Variants in PCNX2 observed in about 807,000 individuals in gnomAD.
The protein encoded by PCNX2 is pecanex 2.
PCNX2 carries 168 observed loss-of-function variants against 223.8 expected under a neutral mutation model. That is an observed-to-expected ratio of 0.75 (90% CI 0.66 to 0.85). The LOEUF is 0.85. PCNX2 is among the 40% of genes least tolerant of loss of function. PCNX2 has a pLI of 0.00. For synonymous variants in PCNX2, 1,006 were observed against 1,052.6 expected (o/e 0.96, Z 0.86); for missense variants, 2,507 against 2,675.5 (o/e 0.94, Z 1.39).
At chr1:233,262,223 C>T in intron 2 of PCNX2, 58 bp from the exon 3 acceptor site, 1 of 1,603,712 alleles carries the variant, frequency 6.2e-7, no homozygotes, top group Non-Finnish European at 8.5e-7. Context: ...AGAAGCATGA[C>T]TCTTTTAGTA....
chr1:233,075,738 CA>C (rs754312177), intron 23 of PCNX2, among the ~76,000 whole-genome samples: 3 of 147,830 alleles, frequency 2.0e-5, no homozygotes, highest in South Asian at 2.2e-4. Context: ...CACACACACA[CA>C]ACAGAAAAGA....
At chr1:233,289,676 T>G (rs1039225842) in intron 1 of PCNX2, among the ~76,000 whole-genome samples, 1 of 152,232 alleles carries the variant, frequency 6.6e-6, no homozygotes, top group Admixed American at 6.5e-5. Context: ...GGACCAAATA[T>G]CAAGGTTCTG....
the PCNX2 span, among the ~76,000 whole-genome samples, chr1:233,319,272 A>G: frequency 6.6e-6 from 1 of 152,186 alleles, no homozygotes; most frequent in Admixed American, 6.5e-5. Context: ...TGTAAACGTC[A>G]GAGGTTTCTT....
chr1:233,284,160 T>C (rs992405885), intron 1 of PCNX2, among the ~76,000 whole-genome samples: 1 of 152,218 alleles, frequency 6.6e-6, no homozygotes, highest in Non-Finnish European at 1.5e-5. Flanking sequence ...AAGACATTAC[T>C]GGCTGGCATA....
intron 15 of PCNX2, among the ~76,000 whole-genome samples, chr1:233,198,257 CA>C (rs1394960822): frequency 1.3e-5 from 2 of 152,172 alleles, no homozygotes; most frequent in African/African-American, 4.8e-5. Flanking sequence ...ATATGGAAGA[CA>C]GGATTTGGAA....
chr1:233,291,578 A>G (rs1454123016), intron 1 of PCNX2: 1 of 773,150 alleles, frequency 1.3e-6, no homozygotes, highest in African/African-American at 1.9e-5. Context: ...ATTGCACTCC[A>G]GCCTGGGCAA....
intron 27 of PCNX2, among the ~76,000 whole-genome samples, chr1:233,016,603 T>G (rs972588699): frequency 6.6e-6 from 1 of 152,196 alleles, no homozygotes; most frequent in South Asian, 2.1e-4. Context: ...CAGACACACT[T>G]GGTAGGGAAA....
At chr1:233,225,870 T>C (rs1053204596) in intron 10 of PCNX2, among the ~76,000 whole-genome samples, 10 of 152,250 alleles carry the variant, frequency 6.6e-5, no homozygotes, top group Non-Finnish European at 2.9e-5. Context: ...TCTAAGTGTG[T>C]GCCCCTTGGG....
intron 1 of PCNX2, chr1:233,290,732 G>A: frequency 1.0e-6 from 1 of 978,656 alleles, no homozygotes; most frequent in Non-Finnish European, 1.2e-6. Flanking sequence ...AATGATGTAG[G>A]TCTTATCAAA....
At position 233,000,202 on chromosome 1, in the gene PCNX2, C is replaced by T; in HGVS notation, c.5328+103G>A. The T allele has an allele frequency of 5.2e-6, 6 of 1,151,498 alleles. No homozygotes were observed. The highest frequency in any genetic ancestry group is 7.8e-6 in the Non-Finnish European group (6 of 767,374). The allele number at this position is 1,151,498 out of a possible 1,614,324, so 71.3% of individuals were successfully genotyped here. A position where few individuals can be genotyped will look rare whatever the true frequency, so the allele number is the denominator to read the frequency against. ...TCCCTCTGAACAGAGGATGCTGGCA[C>T]AGAGACTCCTGTGTCAGTGCCCCCC... On this transcript the variant is annotated intron_variant, in intron 30 of 33. Transcript: ENST00000258229. This position sits in a 1 kb window ranked among gnomAD's most constrained non-coding sequence, Gnocchi z 4.6.
At chr1:233,148,650 C>T (rs1349331087) in intron 19 of PCNX2, among the ~76,000 whole-genome samples, 1 of 152,154 alleles carries the variant, frequency 6.6e-6, no homozygotes, top group Non-Finnish European at 1.5e-5. Flanking sequence ...GATCCACCAA[C>T]CTTGGCCTCC....
chr1:233,264,044 A>G (rs937941107), intron 1 of PCNX2, among the ~76,000 whole-genome samples: 11 of 152,198 alleles, frequency 7.2e-5, no homozygotes, highest in Non-Finnish European at 1.3e-4. Context: ...TTTCCAGCAG[A>G]GACAAATGAT....
intron 20 of PCNX2, among the ~76,000 whole-genome samples, chr1:233,136,401 G>A (rs1487941884): frequency 6.6e-6 from 1 of 152,094 alleles, no homozygotes; most frequent in African/African-American, 2.4e-5. Flanking sequence ...TGTCATTTTT[G>A]TCATAAAAAA....
At position 233,032,196 on chromosome 1, in the gene PCNX2, G is replaced by A. The variant is rs1018622334; in HGVS notation, c.4352-6797C>T. On this transcript the variant is annotated intron_variant, in intron 25 of 33. Coordinates refer to ENST00000258229, the MANE Select transcript of PCNX2 (RefSeq NM_014801.4). ...TGGCTTACCACAACCTCCGCCTCCC[G>A]GGTTCAAGCGATTTTCCTGCCTCAG... 2.9e-5 allele frequency: 13 copies of A among 446,474 alleles called. No homozygotes were observed. The South Asian group carries it at 3.8e-4, about 13-fold the overall frequency. The allele number at this position is 446,474 out of a possible 1,614,324, so 27.7% of individuals were successfully genotyped here.
chr1:233,317,833 C>T, the PCNX2 span, among the ~76,000 whole-genome samples: 1 of 152,206 alleles, frequency 6.6e-6, no homozygotes, highest in Non-Finnish European at 1.5e-5. Context: ...CACCACAGGG[C>T]AGATACTATT....
chr1:233,049,909 C>A (rs1244688221), intron 25 of PCNX2, among the ~76,000 whole-genome samples: 1 of 151,502 alleles, frequency 6.6e-6, no homozygotes. Context: ...ATACATCTAA[C>A]CAAAAAGGTA....
Position 233,252,492 on chromosome 1 carries a change from C to A in PCNX2, c.1990G>T (p.Gly664Cys). 2 of 1,604,338 alleles carry A rather than the reference C, an allele frequency of 1.2e-6. No individual in the cohort carries two copies. The highest frequency in any genetic ancestry group is 1.7e-6 in the Non-Finnish European group (2 of 1,173,966). The change falls in exon 7 of 34, where the codon GGC (glycine) becomes TGC (cysteine). Residue 664 changes from glycine (G) to cysteine (C), a missense_variant. Gly to Cys is a radical substitution (Grantham distance 159, BLOSUM62 -3). Coordinates refer to ENST00000258229, the MANE Select transcript of PCNX2 (RefSeq NM_014801.4). ...QPAKTTAFFQ[G>C]NRQRQIIYRV... ...TAGATTATCTGTCTTTGTCTATTGCCCTGAAAACTTAACACATATAAAAGT... is the reference window on the plus strand; with the variant it reads ...TAGATTATCTGTCTTTGTCTATTGCACTGAAAACTTAACACATATAAAAGT...
chr1:233,136,690 T>A (rs765378173), intron 20 of PCNX2, among the ~76,000 whole-genome samples: 6 of 152,154 alleles, frequency 3.9e-5, no homozygotes, highest in Non-Finnish European at 8.8e-5. Context: ...AGTGCGCAAC[T>A]AATGCCCAGG....
At chr1:233,211,534 G>A (rs1025516453) in intron 12 of PCNX2, among the ~76,000 whole-genome samples, 1 of 152,106 alleles carries the variant, frequency 6.6e-6, no homozygotes, top group African/African-American at 2.4e-5. Flanking sequence ...TACTTCAAGT[G>A]TATTCATGTA....
Sources: allele counts gnomAD v4.1 joint callset (sites outside exome capture counted in the v4.1 genomes callset), GRCh38; gene constraint gnomAD v4.1.1; non-coding constraint Gnocchi (gnomAD v3.1); transcripts MANE v1.5; gene names NCBI Gene and HGNC (gene_info 2026-07-23, HGNC 2026-07-21).